REV3L: variants seen among roughly 807,000 people sequenced by gnomAD.
The protein encoded by REV3L is REV3 like, DNA directed polymerase zeta catalytic subunit, also known as DNA polymerase zeta catalytic subunit.
Under a neutral mutation model 299.4 loss-of-function variants are expected in REV3L, and 69 were observed. The ratio of observed to expected loss-of-function variants is 0.23; its 90% CI spans 0.19 to 0.28. REV3L has a LOEUF of 0.28. Ranked by LOEUF, REV3L falls within the 10% of genes least tolerant of loss-of-function variation. REV3L has a pLI of 1.00. For missense variants in REV3L, 3,128 were observed against 3,693.8 expected (o/e 0.85, Z 3.97); for synonymous variants, 1,238 against 1,271.4 (o/e 0.97, Z 0.56).
intron 31 of REV3L, among the ~76,000 whole-genome samples, chr6:111,301,672 C>A (rs1771546175): frequency 6.6e-6 from 1 of 152,160 alleles, no homozygotes; most frequent in African/African-American, 2.4e-5. Flanking sequence ...CTTCTTAAGG[C>A]TTCCCAGATG....
At chr6:111,455,657 G>C (rs1790078211) in intron 1 of REV3L, among the ~76,000 whole-genome samples, 1 of 152,136 alleles carries the variant, frequency 6.6e-6, no homozygotes, top group African/African-American at 2.4e-5. Context: ...AATGGACAGA[G>C]AATGGACTTG....
chr6:111,355,322 A>G (rs1777980976), intron 18 of REV3L, among the ~76,000 whole-genome samples: 1 of 152,092 alleles, frequency 6.6e-6, no homozygotes, highest in African/African-American at 2.4e-5. Context: ...TTATCTACCC[A>G]TTTTACAGAT....
intron 20 of REV3L, among the ~76,000 whole-genome samples, chr6:111,348,057 C>G (rs1263733047): frequency 6.6e-6 from 1 of 152,202 alleles, no homozygotes; most frequent in Non-Finnish European, 1.5e-5. Context: ...CCTCCTTGGC[C>G]TCCCCAAGTG....
At chr6:111,371,275 T>C (rs1184406336) in intron 13 of REV3L, among the ~76,000 whole-genome samples, 1 of 152,236 alleles carries the variant, frequency 6.6e-6, no homozygotes, top group Non-Finnish European at 1.5e-5. Flanking sequence ...AACTTGGTGA[T>C]GAAAGTGGTA....
chr6:111,482,218 C>A (rs879694198), intron 1 of REV3L, among the ~76,000 whole-genome samples: 3 of 152,224 alleles, frequency 2.0e-5, no homozygotes, highest in Non-Finnish European at 4.4e-5. Flanking sequence ...GCCACTCTCT[C>A]CGGCCCACTG....
Position 111,374,987 on chromosome 6 carries a change from G to T in REV3L, c.3368C>A (p.Ser1123Tyr), listed in dbSNP as rs898731188. 3.1e-6 allele frequency: 5 copies of T among 1,612,584 alleles called. No individual in the cohort carries two copies. The highest frequency in any genetic ancestry group is 3.4e-6 in the Non-Finnish European group (4 of 1,179,548). The change falls in exon 13 of 32, where the codon TCT (serine) becomes TAT (tyrosine). Residue 1123 changes from serine to tyrosine, a missense_variant. Transcript: ENST00000368802. ...GGGAGACCAGCAGCGAGGTGGAGAA[G>T]AATTTATGGGACTTGTGCTTCTCTC... ...LSERSTSPINSSPPRCWSPTD... is the reference protein window; with the variant it reads ...LSERSTSPINYSPPRCWSPTD...
chr6:111,444,055 G>T (rs1295361518), intron 1 of REV3L, among the ~76,000 whole-genome samples: 1 of 152,150 alleles, frequency 6.6e-6, no homozygotes, highest in Non-Finnish European at 1.5e-5. Flanking sequence ...AAACAACAGA[G>T]AATTAACAAA....
At chr6:111,342,443 C>A (rs1269500770) in intron 21 of REV3L, among the ~76,000 whole-genome samples, 1 of 151,936 alleles carries the variant, frequency 6.6e-6, no homozygotes, top group Non-Finnish European at 1.5e-5. Flanking sequence ...CCGAGGCGGG[C>A]GGATCATGAG....
intron 11 of REV3L, among the ~76,000 whole-genome samples, chr6:111,379,395 T>C (rs1333229852): frequency 2.0e-5 from 3 of 152,202 alleles, no homozygotes; most frequent in Admixed American, 2.0e-4. Context: ...TTCAGGCTCA[T>C]AGGCCTAGAT....
chr6:111,322,995 T>C (rs17511385), intron 25 of REV3L, among the ~76,000 whole-genome samples: 19 of 113,504 alleles, frequency 1.7e-4, no homozygotes, highest in Non-Finnish European at 2.2e-4. Flanking sequence ...ATTCAAGAAC[T>C]TTTTTTTTTT....
chr6:111,367,742 ATTC>A lies in REV3L; in HGVS notation c.6043_6045del (p.Glu2015del), dbSNP rs773750149. 4 of 1,614,192 alleles carry A rather than the reference ATTC, an allele frequency of 2.5e-6. No homozygotes were observed. The highest frequency in any genetic ancestry group is 1.7e-5 in the Admixed American group (1 of 60,026). ...TTAGGCAGTTTCTTGGAACGTTCGT[ATTC>A]TTCTTTGGCTTGAAGCCACACTTGA... On this transcript the variant is annotated inframe_deletion, in exon 14 of 32. Coordinates refer to ENST00000368802, the MANE Select transcript of REV3L (RefSeq NM_001372078.1).
At chr6:111,308,658 G>A (rs1338201786) in intron 30 of REV3L, among the ~76,000 whole-genome samples, 1 of 152,186 alleles carries the variant, frequency 6.6e-6, no homozygotes, top group Non-Finnish European at 1.5e-5. Flanking sequence ...TGTGTCTAGT[G>A]TGTCTAGATA....
chr6:111,430,563 A>G (rs539647768), intron 1 of REV3L: 2 of 1,568,034 alleles, frequency 1.3e-6, no homozygotes, highest in South Asian at 1.1e-5. Context: ...CATAGACTTC[A>G]TGGCTGACTT....
At chr6:111,301,445 GGGGCATCAAGGAACCT>G (rs1771512519) in intron 31 of REV3L, among the ~76,000 whole-genome samples, 1 of 151,836 alleles carries the variant, frequency 6.6e-6, no homozygotes, top group Admixed American at 6.6e-5. Context: ...TGTGGCTCAA[GGGGCATCAAGGAACCT>G]GCCAACATGT....
At chr6:111,483,255 G>A (rs1382937327), upstream of REV3L, 2 of 483,924 alleles carry the variant, frequency 4.1e-6, no homozygotes, top group East Asian at 3.5e-5. Context: ...AGGGGGGTGT[G>A]TGTGGCGAAG....
At chr6:111,466,418 A>G (rs1166054210) in intron 1 of REV3L, among the ~76,000 whole-genome samples, 7 of 152,234 alleles carry the variant, frequency 4.6e-5, no homozygotes, top group African/African-American at 1.7e-4. Flanking sequence ...GAGGAATTTT[A>G]AAATGTCACG....
chr6:111,440,910 C>T (rs966389633), intron 1 of REV3L, among the ~76,000 whole-genome samples: 2 of 152,204 alleles, frequency 1.3e-5, no homozygotes, highest in Admixed American at 1.3e-4. Flanking sequence ...ACTTAAAACA[C>T]TTCACTCCTC....
At chr6:111,441,390 C>G (rs10457238) in intron 1 of REV3L, among the ~76,000 whole-genome samples, 16,367 of 152,006 alleles carry the variant, frequency 0.11, 1,164 homozygotes, top group Middle Eastern at 0.21. Flanking sequence ...ATGGCTGGGA[C>G]TACAAGCACA....
chr6:111,435,284 C>T (rs1057491950), intron 1 of REV3L, among the ~76,000 whole-genome samples: 2 of 152,156 alleles, frequency 1.3e-5, no homozygotes, highest in African/African-American at 2.4e-5. Flanking sequence ...GTATAAATGA[C>T]GTTCTTCACA....
Sources: gnomAD v4.1 joint callset for allele counts (sites outside exome capture counted in the v4.1 genomes callset) on GRCh38, gnomAD v4.1.1 for gene constraint, MANE v1.5 for transcripts, NCBI Gene and HGNC (gene_info 2026-07-23, HGNC 2026-07-21) for gene names.